Variants in ST6GAL2 observed in about 807,000 individuals in gnomAD.
ST6GAL2 encodes ST6 beta-galactoside alpha-2,6-sialyltransferase 2.
A neutral mutation model predicts 37.5 loss-of-function variants in ST6GAL2; 24 were observed. That is an observed-to-expected ratio of 0.64 (90% CI 0.46 to 0.90). The LOEUF (loss-of-function observed/expected upper bound fraction) is 0.90, where lower values mean the gene tolerates loss of function less well. Among genes scored for constraint, ST6GAL2 ranks in the 40% least tolerant of loss-of-function variants. The pLI is 0.00. For missense variants in ST6GAL2, 715 were observed against 712.7 expected (o/e 1.00, Z -0.04); for synonymous variants, 306 against 295.1 (o/e 1.04, Z -0.38).
chr2:106,802,269 G>T lies in ST6GAL2; in HGVS notation c.*4409C>A, dbSNP rs1675282192. On this transcript the variant is annotated 3_prime_UTR_variant, in exon 6 of 6. Transcript: ENST00000409382. Reference sequence around the variant, plus strand: ...AATTAAAATAAAATTTATTGTAAAGGTTTCAGTCAAAAATATTGATGAAAA... The same window carrying T: ...AATTAAAATAAAATTTATTGTAAAGTTTTCAGTCAAAAATATTGATGAAAA... The T allele has an allele frequency of 6.6e-6, 1 of 151,958 alleles. No homozygotes were observed. Among genetic ancestry groups the T allele is most frequent in the Admixed American group, 6.6e-5 (1 of 15,250 alleles). The allele number at this position is 151,958 out of a possible 1,614,324, so 9.4% of individuals were successfully genotyped here.
At chr2:106,885,401 A>G (rs972757155) in intron 1 of ST6GAL2, among the ~76,000 whole-genome samples, 18 of 152,178 alleles carry the variant, frequency 1.2e-4, no homozygotes, top group Non-Finnish European at 1.2e-4. Flanking sequence ...CAAAACAAAT[A>G]TGGTACTAGG....
At chr2:106,822,228 G>T (rs1278863612) in intron 5 of ST6GAL2, among the ~76,000 whole-genome samples, 1 of 152,048 alleles carries the variant, frequency 6.6e-6, no homozygotes, top group East Asian at 1.9e-4. Flanking sequence ...ATCCTTGTTT[G>T]CAGACAACAT....
At chr2:106,822,950 G>A (rs1558682576) in intron 5 of ST6GAL2, 1 of 152,086 alleles carries the variant, frequency 6.6e-6, no homozygotes, top group African/African-American at 2.4e-5. Context: ...TTATTGTAAG[G>A]AAAACAGAAT....
rs1362202326 is a variant in ST6GAL2, at chr2:106,843,851, G to T, written c.127C>A (p.Leu43Ile). The change falls in exon 2 of 6, where the codon CTC becomes ATC. Residue 43 changes from leucine to isoleucine, a missense_variant. Leu to Ile is a conservative substitution (Grantham distance 5). This residue lies in a region of ST6GAL2 where 512 missense variants were observed against 488.8 expected (regional missense o/e 1.05). Coordinates refer to ENST00000409382, the MANE Select transcript of ST6GAL2 (RefSeq NM_001142351.2). ...SNPAEPVPSS[L>I]SFLETRRLLP... ...AGCCTCCTGGTCTCCAGGAAGGAGA[G>T]GGAGCTGGGTACAGGCTCAGCGGGG... 3.1e-6 allele frequency: 5 copies of T among 1,612,150 alleles called. 1 individual carries two copies. Among genetic ancestry groups the T allele is most frequent in the Non-Finnish European group, 4.2e-6 (5 of 1,179,722 alleles).
rs536608293 is a variant in ST6GAL2, at chr2:106,809,888, G to T, written c.1319-2939C>A. On this transcript the variant is annotated intron_variant, in intron 5 of 5. Coordinates refer to ENST00000409382, the MANE Select transcript of ST6GAL2 (RefSeq NM_001142351.2). The stretch of plus-strand genomic sequence containing the variant: ...CATTTTCTACACGAATCTAGTTGTA[G>T]ACCAGTAACACACGTTCCTGGACCA... 1.3e-5 allele frequency among the ~76,000 whole-genome samples: 2 copies of T among 152,288 alleles called. 1 individual carries two copies. The highest frequency in any genetic ancestry group is 4.8e-5 in the African/African-American group (2 of 41,568).
At chr2:106,866,927 C>T (rs1251865841) in intron 1 of ST6GAL2, among the ~76,000 whole-genome samples, 2 of 152,102 alleles carry the variant, frequency 1.3e-5, no homozygotes, top group Non-Finnish European at 2.9e-5. Flanking sequence ...AAGTTAAATG[C>T]TTTTAAATTT....
chr2:106,870,629 A>G (rs1386710894), intron 1 of ST6GAL2, among the ~76,000 whole-genome samples: 1 of 152,166 alleles, frequency 6.6e-6, no homozygotes, highest in Non-Finnish European at 1.5e-5. Flanking sequence ...CAGTGCCAAT[A>G]TCCAATGATT....
At position 106,805,048 on chromosome 2, in the gene ST6GAL2, A is replaced by C. The variant is rs1358726428; in HGVS notation, c.*1630T>G. ...CTTCACTATTATAGCAAGCTATAGG[A>C]GATGTCTTGTTTTCCAGCTCCATAT... On this transcript the variant is annotated 3_prime_UTR_variant, in exon 6 of 6. Transcript: ENST00000409382. 3 of 152,148 alleles carry C rather than the reference A, an allele frequency of 2.0e-5. No homozygotes were observed. Among genetic ancestry groups the C allele is most frequent in the Admixed American group, 6.5e-5 (1 of 15,274 alleles). 9.4% of individuals were successfully genotyped at this position (152,148 alleles called of 1,614,324 possible).
In ST6GAL2 at chr2:106,806,701, T is replaced by C; in HGVS notation, c.1567A>G (p.Ser523Gly). Residue 523 changes from serine (S) to glycine (G), a missense_variant, in exon 6 of 6, where the codon AGT becomes GGT. Around this residue, in one of 3 missense-constraint regions of ST6GAL2, gnomAD observed 198 missense variants for 203.6 expected, o/e 0.97. Transcript: ENST00000409382. ...TTTTAAGAGTGTGGAATGACTGGAC[T>C]TGGTGCAGGGCAGTGCACCGCCTGG... ...GFQAVHCPAP[S>G]PVIPHS is the part of the protein sequence containing the mutation. The C allele has an allele frequency of 6.2e-7, 1 of 1,614,156 alleles. No homozygotes were observed. Among genetic ancestry groups the C allele is most frequent in the Non-Finnish European group, 8.5e-7 (1 of 1,180,004 alleles).
At chr2:106,851,009 T>A (rs962297969) in intron 1 of ST6GAL2, among the ~76,000 whole-genome samples, 2 of 152,176 alleles carry the variant, frequency 1.3e-5, no homozygotes, top group Non-Finnish European at 2.9e-5. Flanking sequence ...TTTAAGTGAC[T>A]GGGGCTGTCG....
Position 106,875,331 on chromosome 2 carries a change from C to T in ST6GAL2, c.-58+10762G>A, listed in dbSNP as rs148349484. On this transcript the variant is annotated intron_variant, in intron 1 of 5. Coordinates refer to ENST00000409382, the MANE Select transcript of ST6GAL2 (RefSeq NM_001142351.2). ...AACTGGGACCACAGGTGAGTGCCAC[C>T]ACTCTTGGCTAATTTTTGCTATTTT... Among the ~76,000 whole-genome samples, 36 of 152,048 alleles carry T rather than the reference C, an allele frequency of 2.4e-4. No individual in the cohort carries two copies. The East Asian group carries it at 5.0e-3, about 21-fold the overall frequency.
Position 106,838,863 on chromosome 2 carries a change from C to T in ST6GAL2, c.943+4172G>A, listed in dbSNP as rs8179860. The stretch of plus-strand genomic sequence containing the variant: ...CCAGCCTGGCCAACATCATGAAACC[C>T]CATCTCTACTAAAAACACAAAAATT... On this transcript the variant is annotated intron_variant, in intron 2 of 5. Transcript: ENST00000409382. 1.2e-3 allele frequency among the ~76,000 whole-genome samples: 175 copies of T among 152,098 alleles called. 5 individuals carry two copies. The East Asian group carries it at 0.027, about 24-fold the overall frequency.
intron 5 of ST6GAL2, among the ~76,000 whole-genome samples, chr2:106,824,495 G>A (rs752637615): frequency 1.4e-4 from 21 of 152,074 alleles, no homozygotes; most frequent in Non-Finnish European, 1.6e-4. Context: ...AGCTGGGCAC[G>A]GTGGCACGCG....
At chr2:106,836,070 G>A (rs1005352524) in intron 2 of ST6GAL2, among the ~76,000 whole-genome samples, 10 of 149,856 alleles carry the variant, frequency 6.7e-5, no homozygotes, top group African/African-American at 2.3e-4. Flanking sequence ...CATACTAAAA[G>A]GTAAAACGGA....
At chr2:106,868,609 A>G (rs1479392667) in intron 1 of ST6GAL2, among the ~76,000 whole-genome samples, 1 of 152,216 alleles carries the variant, frequency 6.6e-6, no homozygotes, top group African/African-American at 2.4e-5. Context: ...GCTTGCTGCT[A>G]ATACTTAGAA....
chr2:106,809,303 C>T (rs144422184), intron 5 of ST6GAL2, among the ~76,000 whole-genome samples: 523 of 152,344 alleles, frequency 3.4e-3, no homozygotes, highest in African/African-American at 0.012. Flanking sequence ...ACTTTGCTTG[C>T]ACATGGCAGG....
intron 1 of ST6GAL2, among the ~76,000 whole-genome samples, chr2:106,858,099 CT>C (rs1299069950): frequency 6.6e-6 from 1 of 152,134 alleles, no homozygotes. Flanking sequence ...AGCATAAAAG[CT>C]TTTTTGTATA....
In ST6GAL2 at chr2:106,831,537, G is replaced by A. The variant is rs564187438; in HGVS notation, c.1143+1028C>T. Reference sequence around the variant, plus strand: ...TTGATTCTCAGCGGAGGGTACATATGAGAATCAAAGAGCCCTCTCAAAAAA... The same window carrying A: ...TTGATTCTCAGCGGAGGGTACATATAAGAATCAAAGAGCCCTCTCAAAAAA... On this transcript the variant is annotated intron_variant, in intron 4 of 5. Coordinates refer to ENST00000409382, the MANE Select transcript of ST6GAL2 (RefSeq NM_001142351.2). 8.1e-4 allele frequency among the ~76,000 whole-genome samples: 123 copies of A among 152,290 alleles called. 2 individuals carry two copies. Among genetic ancestry groups the A allele is most frequent in the African/African-American group, 2.9e-3 (121 of 41,542 alleles).
intron 1 of ST6GAL2, among the ~76,000 whole-genome samples, chr2:106,874,135 A>G (rs1678397508): frequency 6.6e-6 from 1 of 152,208 alleles, no homozygotes; most frequent in Non-Finnish European, 1.5e-5. Flanking sequence ...GCCTGCAAGG[A>G]ACTTACAGTT....
Sources: gnomAD v4.1 joint callset for allele counts (sites outside exome capture counted in the v4.1 genomes callset) on GRCh38, gnomAD v4.1.1 for gene constraint, gnomAD v4.1.1 regional missense constraint, MANE v1.5 for transcripts, NCBI Gene and HGNC (gene_info 2026-07-23, HGNC 2026-07-21) for gene names.